GAB2: variants seen among roughly 807,000 people sequenced by gnomAD.
GAB2 encodes the protein GRB2 associated binding protein 2.
GAB2 carries 26 observed loss-of-function variants against 65.5 expected under a neutral mutation model. That is an observed-to-expected ratio of 0.40 (90% CI 0.29 to 0.55). GAB2 has a LOEUF of 0.55. Ranked by LOEUF, GAB2 falls within the 20% of genes least tolerant of loss-of-function variation. The pLI, the probability that GAB2 is intolerant of heterozygous loss-of-function variation, is 0.53. For missense variants in GAB2, 884 were observed against 875.8 expected, an observed-to-expected ratio of 1.01 and a Z score of -0.12; for synonymous variants, 321 against 329.6, an observed-to-expected ratio of 0.97 and a Z score of 0.28.
At chr11:78,325,215 C>T (rs1565160225) in intron 1 of GAB2, among the ~76,000 whole-genome samples, 1 of 152,162 alleles carries the variant, frequency 6.6e-6, no homozygotes, top group African/African-American at 2.4e-5. Context: ...GATTCTGAGA[C>T]TTTGTTTGTA....
chr11:78,266,738 G>T (rs1341414789), intron 2 of GAB2, among the ~76,000 whole-genome samples: 1 of 152,136 alleles, frequency 6.6e-6, no homozygotes, highest in South Asian at 2.1e-4. Context: ...TCACTAAGAG[G>T]AGTTCCAAGG....
intron 1 of GAB2, among the ~76,000 whole-genome samples, chr11:78,347,713 C>T (rs1177943840): frequency 1.3e-5 from 2 of 152,112 alleles, no homozygotes; most frequent in Non-Finnish European, 1.5e-5. Flanking sequence ...TCTTTGTGAC[C>T]TTTAAGTAAA....
chr11:78,408,622 G>C (rs1414384347), intron 1 of GAB2, among the ~76,000 whole-genome samples: 1 of 152,152 alleles, frequency 6.6e-6, no homozygotes, highest in Non-Finnish European at 1.5e-5. Context: ...GATATGGTTT[G>C]GGTATGTGTC....
chr11:78,285,045 T>C (rs573804623), intron 1 of GAB2, among the ~76,000 whole-genome samples: 12 of 152,356 alleles, frequency 7.9e-5, no homozygotes, highest in East Asian at 5.8e-4. Context: ...TATTTATTTA[T>C]AGTAATTTAA....
intron 1 of GAB2, among the ~76,000 whole-genome samples, chr11:78,330,958 G>T (rs1855903987): frequency 6.6e-6 from 1 of 152,048 alleles, no homozygotes; most frequent in Admixed American, 6.5e-5. Context: ...CAGATCATTT[G>T]AGGTCAGGAG....
intron 1 of GAB2, among the ~76,000 whole-genome samples, chr11:78,325,558 C>T (rs921620422): frequency 3.9e-5 from 6 of 152,160 alleles, no homozygotes; most frequent in Admixed American, 6.5e-5. Context: ...AGAGGACATA[C>T]GAACATACAG....
At chr11:78,269,840 T>A (rs535547124) in intron 2 of GAB2, among the ~76,000 whole-genome samples, 14 of 152,356 alleles carry the variant, frequency 9.2e-5, no homozygotes, top group African/African-American at 3.4e-4. Context: ...AGATTAGACA[T>A]GTGACTACTG....
intron 2 of GAB2, among the ~76,000 whole-genome samples, chr11:78,278,912 G>A (rs1866251518): frequency 6.6e-6 from 1 of 152,006 alleles, no homozygotes; most frequent in Non-Finnish European, 1.5e-5. Flanking sequence ...AAATAAAAAT[G>A]TTACAGTGAA....
intron 1 of GAB2, among the ~76,000 whole-genome samples, chr11:78,407,051 C>T (rs1206936002): frequency 2.6e-5 from 4 of 151,818 alleles, no homozygotes; most frequent in Non-Finnish European, 5.9e-5. Flanking sequence ...CTAATATGAA[C>T]AACACAGAGA....
chr11:78,264,819 T>A (rs1042262056), intron 2 of GAB2, among the ~76,000 whole-genome samples: 2 of 152,128 alleles, frequency 1.3e-5, no homozygotes, highest in African/African-American at 4.8e-5. Context: ...AGCAAAAAGG[T>A]TTTTGAGTTT....
In GAB2 at chr11:78,268,726, T is replaced by A. The variant is rs74917449; in HGVS notation, c.376+11875A>T. 1.0e-4 allele frequency among the ~76,000 whole-genome samples: 15 copies of A among 145,348 alleles called. No homozygotes were observed. The South Asian group carries it at 3.3e-3, about 32-fold the overall frequency. Reference sequence around the variant, plus strand: ...CTGGCTGGGGTGGTGAGGGGGAGTGTCTGGTATTTAAAAAAAAAAAAAAAA... The same window carrying A: ...CTGGCTGGGGTGGTGAGGGGGAGTGACTGGTATTTAAAAAAAAAAAAAAAA... On this transcript the variant is annotated intron_variant, in intron 2 of 9. Transcript: ENST00000361507.
chr11:78,381,618 C>T (rs1856698683), intron 1 of GAB2, among the ~76,000 whole-genome samples: 2 of 152,224 alleles, frequency 1.3e-5, no homozygotes, highest in South Asian at 4.1e-4. Context: ...CCCTCTTCCT[C>T]CTTTCCCTAT....
At chr11:78,235,286 G>A (rs919486443) in intron 3 of GAB2, among the ~76,000 whole-genome samples, 5 of 151,766 alleles carry the variant, frequency 3.3e-5, no homozygotes, top group Non-Finnish European at 7.4e-5. Context: ...CCGAGTAGCT[G>A]GGACTAAAGG....
chr11:78,217,036 C>T lies in GAB2; in HGVS notation c.*2236G>A, dbSNP rs914538719. The stretch of plus-strand genomic sequence containing the variant: ...CCAAGCCTCTCCTTCCTTCTTCCTC[C>T]ACTGGACCCAAGCCCTGCCCTCCTC... On this transcript the variant is annotated 3_prime_UTR_variant, in exon 10 of 10. Coordinates refer to ENST00000361507, the MANE Select transcript of GAB2 (RefSeq NM_080491.3). The T allele has an allele frequency of 5.9e-5, 9 of 152,664 alleles. No homozygotes were observed. Among genetic ancestry groups the T allele is most frequent in the Non-Finnish European group, 1.0e-4 (7 of 68,288 alleles). 9.5% of individuals were successfully genotyped at this position (152,664 alleles called of 1,614,324 possible).
intron 1 of GAB2, among the ~76,000 whole-genome samples, chr11:78,373,209 T>C (rs541590016): frequency 3.6e-4 from 55 of 152,158 alleles, no homozygotes; most frequent in African/African-American, 1.2e-3. Flanking sequence ...TATAGAGTCA[T>C]ATCTAAAGCT....
intron 2 of GAB2, among the ~76,000 whole-genome samples, chr11:78,254,881 G>A (rs915397002): frequency 6.6e-6 from 1 of 151,754 alleles, no homozygotes; most frequent in African/African-American, 2.4e-5. Context: ...ACTAAAACTT[G>A]CCAAAATCCC....
chr11:78,289,958 T>C (rs570618236), intron 1 of GAB2, among the ~76,000 whole-genome samples: 144 of 151,864 alleles, frequency 9.5e-4, no homozygotes, highest in African/African-American at 3.3e-3. Flanking sequence ...AGGAAGAGTT[T>C]GGAGGTCCTG....
intron 3 of GAB2, among the ~76,000 whole-genome samples, chr11:78,228,681 G>A (rs951395003): frequency 3.3e-5 from 5 of 152,134 alleles, no homozygotes; most frequent in Non-Finnish European, 5.9e-5. Flanking sequence ...TTCCAGGTCA[G>A]TCTCCAAACC....
rs535435898 is a variant in GAB2, at chr11:78,257,166, G to A, written c.377-6766C>T. On this transcript the variant is annotated intron_variant, in intron 2 of 9. Coordinates refer to ENST00000361507, the MANE Select transcript of GAB2 (RefSeq NM_080491.3). ...AGGAAAGCTCTGAAGGATTTCAGCC[G>A]AGGAGCCCAGCCCAGGCCAACCCAG... Among the ~76,000 whole-genome samples the A allele has an allele frequency of 9.8e-4, 149 of 152,250 alleles. 1 individual carries two copies. The highest frequency in any genetic ancestry group is 6.8e-3 in the Middle Eastern group (2 of 294).
Sources: gnomAD v4.1 joint callset for allele counts (sites outside exome capture counted in the v4.1 genomes callset) on GRCh38, gnomAD v4.1.1 for gene constraint, MANE v1.5 for transcripts, NCBI Gene and HGNC (gene_info 2026-07-23, HGNC 2026-07-21) for gene names.